IGBP1C: variants seen among roughly 807,000 people sequenced by gnomAD.
The protein encoded by IGBP1C is IGBP1 family member C, also known as immunoglobulin-binding protein 1 family member C.
At chr17:58,679,436 C>CTCG in the IGBP1C span, 36,353 of 151,968 alleles carry the variant, frequency 0.24, 5,242 homozygotes, top group Middle Eastern at 0.41. Context: ...GCATCAATCT[C>CTCG]TCGCTATTCC....
chr17:58,686,927 G>T, the IGBP1C span, among the ~76,000 whole-genome samples: 1 of 121,480 alleles, frequency 8.2e-6, no homozygotes, highest in Admixed American at 1.1e-4. Context: ...ACCCTAGAGC[G>T]CAGGGGAGGG....
chr17:58,681,891 C>A, the IGBP1C span, among the ~76,000 whole-genome samples: 1 of 151,974 alleles, frequency 6.6e-6, no homozygotes, highest in Non-Finnish European at 1.5e-5. Flanking sequence ...TCTGGTGGAA[C>A]AACTCATGTA....
At chr17:58,661,188 T>C in the IGBP1C span, 1 of 801,934 alleles carries the variant, frequency 1.2e-6, no homozygotes, top group Non-Finnish European at 2.3e-6. Flanking sequence ...GCACCGTGAT[T>C]TTCAGCTGAG....
the IGBP1C span, among the ~76,000 whole-genome samples, chr17:58,688,998 T>C: frequency 2.6e-5 from 4 of 152,062 alleles, no homozygotes; most frequent in Admixed American, 2.6e-4. Flanking sequence ...TGGCATGATC[T>C]TGGCTCACTG....
At chr17:58,680,207 C>T in the IGBP1C span, among the ~76,000 whole-genome samples, 8 of 152,088 alleles carry the variant, frequency 5.3e-5, no homozygotes, top group East Asian at 9.7e-4. Flanking sequence ...AAAACAGGCG[C>T]GCACGGCTTT....
At chr17:58,688,810 G>C in the IGBP1C span, among the ~76,000 whole-genome samples, 25 of 152,236 alleles carry the variant, frequency 1.6e-4, no homozygotes, top group African/African-American at 5.1e-4. Context: ...ATATTCCCGG[G>C]GGGGGTTTGG....
At chr17:58,682,922 T>A in the IGBP1C span, among the ~76,000 whole-genome samples, 1 of 151,788 alleles carries the variant, frequency 6.6e-6, no homozygotes, top group African/African-American at 2.4e-5. Flanking sequence ...ATTTCTTTGA[T>A]TAGAAAAAAA....
the IGBP1C span, among the ~76,000 whole-genome samples, chr17:58,687,030 C>T: frequency 2.2e-4 from 34 of 152,060 alleles, no homozygotes; most frequent in African/African-American, 8.2e-4. Context: ...CCCACCACCA[C>T]ACCTGTAGGG....
the IGBP1C span, among the ~76,000 whole-genome samples, chr17:58,663,668 A>G: frequency 6.6e-6 from 1 of 152,010 alleles, no homozygotes; most frequent in Non-Finnish European, 1.5e-5. Context: ...GGGTTTCACC[A>G]TGTTGGCCAG....
At chr17:58,670,865 A>C in the IGBP1C span, among the ~76,000 whole-genome samples, 2 of 152,086 alleles carry the variant, frequency 1.3e-5, no homozygotes, top group African/African-American at 4.8e-5. Flanking sequence ...TTACCACAAT[A>C]AAATGATAGA....
At chr17:58,673,787 G>T in the IGBP1C span, among the ~76,000 whole-genome samples, 1 of 151,708 alleles carries the variant, frequency 6.6e-6, no homozygotes. Flanking sequence ...TGCCCAGCTT[G>T]GTCTCAAACT....
At chr17:58,666,458 C>CAAACAAAAAAAAA in the IGBP1C span, 13 of 36,832 alleles carry the variant, frequency 3.5e-4, no homozygotes, top group South Asian at 2.2e-3. Flanking sequence ...CCTTCCACGG[C>CAAACAAAAAAAAA]AAAAAAAAAA....
At chr17:58,681,841 C>T in the IGBP1C span, among the ~76,000 whole-genome samples, 1 of 151,192 alleles carries the variant, frequency 6.6e-6, no homozygotes, top group Non-Finnish European at 1.5e-5. Context: ...AAACTCTTGT[C>T]TCAAACAAAA....
At chr17:58,676,123 C>G in the IGBP1C span, among the ~76,000 whole-genome samples, 1 of 152,108 alleles carries the variant, frequency 6.6e-6, no homozygotes, top group Non-Finnish European at 1.5e-5. Flanking sequence ...CGCCTGTGAT[C>G]CCAGCACTTT....
chr17:58,679,833 T>C, the IGBP1C span: 1 of 152,128 alleles, frequency 6.6e-6, no homozygotes, highest in Non-Finnish European at 1.5e-5. Flanking sequence ...ACCTGTATTT[T>C]TAATATCTGG....
At chr17:58,666,004 G>A in the IGBP1C span, among the ~76,000 whole-genome samples, 1 of 150,738 alleles carries the variant, frequency 6.6e-6, no homozygotes, top group African/African-American at 2.4e-5. Flanking sequence ...AGCCGAGATT[G>A]TGCCACTCAA....
chr17:58,682,297 G>T, the IGBP1C span, among the ~76,000 whole-genome samples: 1 of 142,584 alleles, frequency 7.0e-6, no homozygotes, highest in Non-Finnish European at 1.5e-5. Context: ...TTACTCTGTC[G>T]TCCAGGCTAG....
the IGBP1C span, among the ~76,000 whole-genome samples, chr17:58,680,464 G>A: frequency 1.1e-4 from 16 of 152,138 alleles, no homozygotes; most frequent in African/African-American, 2.2e-4. Flanking sequence ...GAAGCAGGCC[G>A]GACGCTGTGA....
At chr17:58,690,828 G>C in the IGBP1C span, among the ~76,000 whole-genome samples, 3 of 152,142 alleles carry the variant, frequency 2.0e-5, no homozygotes, top group Non-Finnish European at 4.4e-5. Context: ...TAGTAAAAAG[G>C]ATGCTAGGTT....
Sources: allele counts gnomAD v4.1 joint callset (sites outside exome capture counted in the v4.1 genomes callset), GRCh38; gene constraint gnomAD v4.1.1; transcripts MANE v1.5; gene names NCBI Gene and HGNC (gene_info 2026-07-23, HGNC 2026-07-21).